FBXO41: variants seen among roughly 807,000 people sequenced by gnomAD.
FBXO41 encodes F-box protein 41.
A neutral mutation model predicts 81.6 loss-of-function variants in FBXO41; 33 were observed. The ratio of observed to expected loss-of-function variants is 0.40; its 90% CI spans 0.31 to 0.54. FBXO41 has a LOEUF of 0.54. Among genes scored for constraint, FBXO41 ranks in the 20% least tolerant of loss-of-function variants. The pLI is 0.39. For missense variants in FBXO41, 1,107 were observed against 1,236.0 expected (o/e 0.90, Z 1.56); for synonymous variants, 576 against 552.7 (o/e 1.04, Z -0.59).
In FBXO41 at chr2:73,259,686, G is replaced by C. The variant is rs1687936201; in HGVS notation, c.2450-390C>G. ...GGGGGAGGTGGGGCAAATACTTGGG[G>C]ACAGAGGGCTTCAGGGACTGGATAT... On this transcript the variant is annotated intron_variant, in intron 11 of 12. Coordinates refer to ENST00000520530, the MANE Select transcript of FBXO41 (RefSeq NM_001371389.2). The surrounding 1 kb of genome is among the most constrained non-coding windows in gnomAD (Gnocchi z 4.2). Among the ~76,000 whole-genome samples the C allele has an allele frequency of 6.6e-6, 1 of 152,144 alleles. No individual in the cohort carries two copies. Among genetic ancestry groups the C allele is most frequent in the South Asian group, 2.1e-4 (1 of 4,822 alleles).
At chr2:73,271,397 C>T (rs915077306) in intron 1 of FBXO41, 1 of 164,786 alleles carries the variant, frequency 6.1e-6, no homozygotes, top group Non-Finnish European at 1.3e-5. Context: ...CAGTGAGCCC[C>T]AGGACTGTTC....
In FBXO41 at chr2:73,276,590, GA is replaced by G. The variant is rs1466901334; in HGVS notation, c.-138-6823del. The stretch of plus-strand genomic sequence containing the variant: ...AGAGAGAGAGAGAGAGAGAGAGAGA[GA>G]GAGAGAGAGAGAGGGAGAGAGGGAG... On this transcript the variant is annotated intron_variant, in intron 1 of 12. Coordinates refer to ENST00000520530, the MANE Select transcript of FBXO41 (RefSeq NM_001371389.2). 1.8e-3 allele frequency among the ~76,000 whole-genome samples: 239 copies of G among 133,696 alleles called. 4 individuals carry two copies. In the East Asian group the frequency reaches 0.046, roughly 26 times the overall value. The allele number at this position is 133,696 out of a possible 152,430, so 87.7% of individuals were successfully genotyped here.
chr2:73,280,720 T>C (rs1208674430), intron 1 of FBXO41, among the ~76,000 whole-genome samples: 1 of 152,218 alleles, frequency 6.6e-6, no homozygotes, highest in Non-Finnish European at 1.5e-5. Context: ...AATCACTCCT[T>C]ACTGCACCTC....
intron 1 of FBXO41, among the ~76,000 whole-genome samples, chr2:73,277,358 G>A (rs1050429224): frequency 2.0e-5 from 3 of 152,202 alleles, no homozygotes; most frequent in Non-Finnish European, 2.9e-5. Context: ...GGCAGGGGGA[G>A]GTAGGACAGC....
Position 73,265,574 on chromosome 2 carries a change from C to T in FBXO41, c.1272G>A (p.Leu424=). The T allele has an allele frequency of 6.5e-7, 1 of 1,548,858 alleles. No individual in the cohort carries two copies. Reference sequence around the variant, plus strand: ...CAGGGGCCCCCTCCTCTGGCCTGGGCAGCTCCAGACTGTCACTGTCATAGC... The same window carrying T: ...CAGGGGCCCCCTCCTCTGGCCTGGGTAGCTCCAGACTGTCACTGTCATAGC... ...SGCYDSDSLE[L]PRPEEGAPED... is the part of the protein sequence containing the mutation. Residue 424 remains leucine (L), a synonymous_variant, in exon 5 of 13, where the codon CTG becomes CTA. Transcript: ENST00000520530.
At position 73,264,380 on chromosome 2, in the gene FBXO41, T is replaced by G. The variant is rs755489713; in HGVS notation, c.1704A>C (p.Thr568=). 3.1e-5 allele frequency: 50 copies of G among 1,613,766 alleles called. No homozygotes were observed. Among genetic ancestry groups the G allele is most frequent in the Middle Eastern group, 3.3e-4 (2 of 6,062 alleles). The part of the protein sequence containing the change: ...FCIFTYLDTR[T]LLHAAEVCRD... ...GGCAGACCTCGGCAGCATGCAGCAG[T>G]GTGCGCGTGTCCAGGTAGGTGAAGA... Residue 568 remains threonine (T), a synonymous_variant, in exon 6 of 13, where the codon ACA becomes ACC. Transcript: ENST00000520530.
intron 5 of FBXO41, 111 bp downstream of exon 5, chr2:73,265,171 G>A (rs1688197015): frequency 2.0e-6 from 2 of 1,022,082 alleles, no homozygotes; most frequent in Admixed American, 2.8e-5. Flanking sequence ...GGCTTGAAGG[G>A]CGCTATGTAG....
In FBXO41 at chr2:73,266,277, G is replaced by A. The variant is rs1473532073; in HGVS notation, c.1131+180C>T. On this transcript the variant is annotated intron_variant, in intron 3 of 12. Coordinates refer to ENST00000520530, the MANE Select transcript of FBXO41 (RefSeq NM_001371389.2). The surrounding 1 kb of genome is among the most constrained non-coding windows in gnomAD (Gnocchi z 5.3). ...ATCACATCTCACTACAGCCTCGGGG[G>A]CTGGCACTGGCACTCCTGCCCAATC... Among the ~76,000 whole-genome samples, 3 of 152,210 alleles carry A rather than the reference G, an allele frequency of 2.0e-5. No individual in the cohort carries two copies. The highest frequency in any genetic ancestry group is 4.4e-5 in the Non-Finnish European group (3 of 68,026).
intron 1 of FBXO41, chr2:73,270,825 C>T: frequency 1.9e-6 from 1 of 534,458 alleles, no homozygotes; most frequent in South Asian, 1.4e-5. Context: ...TTCCTCACTG[C>T]CATCCTCTTC....
chr2:73,263,948 G>C lies in FBXO41; in HGVS notation c.1912C>G (p.Arg638Gly). 1 of 1,610,448 alleles carries C rather than the reference G, an allele frequency of 6.2e-7. No homozygotes were observed. Among genetic ancestry groups the C allele is most frequent in the Non-Finnish European group, 8.5e-7 (1 of 1,178,270 alleles). The change falls in exon 7 of 13, where the codon CGG (arginine) becomes GGG (glycine). Residue 638 changes from arginine (R) to glycine (G), a missense_variant. Around this residue, in one of 2 missense-constraint regions of FBXO41, gnomAD observed 336 missense variants for 446.7 expected, o/e 0.75. Transcript: ENST00000520530. ...GKKESKEEYARSTRGCLEAGL... is the reference protein window; with the variant it reads ...GKKESKEEYAGSTRGCLEAGL... ...CATCGCAGGCCTCACCGGGTGCTCC[G>C]GGCATACTCCTCCTTGCTCTCCTTC... is the stretch of plus-strand genomic sequence containing the variant.
In FBXO41 at chr2:73,260,478, G is replaced by T. The variant is rs755638807; in HGVS notation, c.2360C>A (p.Ala787Glu). The T allele has an allele frequency of 1.9e-6, 3 of 1,605,260 alleles. No homozygotes were observed. In the South Asian group the frequency reaches 3.4e-5, roughly 18 times the overall value. Residue 787 changes from alanine to glutamate, a missense_variant, in exon 11 of 13, where the codon GCA becomes GAA. Ala to Glu is a moderately radical substitution (Grantham distance 107). Around this residue, in one of 2 missense-constraint regions of FBXO41, gnomAD observed 336 missense variants for 446.7 expected, o/e 0.75. Transcript: ENST00000520530. The surrounding 1 kb of genome is among the most constrained non-coding windows in gnomAD (Gnocchi z 5.0). ...HVSEITQEVA[A>E]EVCREGLKGL... Reference sequence around the variant, plus strand: ...CTTCAGGCCTTCCCGGCAGACCTCTGCTGCCACCTCCTGGGTGATCTCTGA... The same window carrying T: ...CTTCAGGCCTTCCCGGCAGACCTCTTCTGCCACCTCCTGGGTGATCTCTGA...
rs1339081162 is a variant in FBXO41 at position 73,264,526 on chromosome 2, A to G, written c.1565-7T>C. 6.2e-7 allele frequency: 1 copy of G among 1,613,090 alleles called. No individual in the cohort carries two copies. The highest frequency in any genetic ancestry group is 8.5e-7 in the Non-Finnish European group (1 of 1,179,796). ...CTGCCTCCCTCGGGGCGGGCTGCAG[A>G]ATACCAGGGGTTCAAAAGTGAGCGT... On this transcript the variant is annotated splice_polypyrimidine_tract_variant and splice_region_variant and intron_variant, in intron 5 of 12. Coordinates refer to ENST00000520530, the MANE Select transcript of FBXO41 (RefSeq NM_001371389.2).
chr2:73,283,825 C>T (rs899490788), intron 1 of FBXO41, among the ~76,000 whole-genome samples: 1 of 152,120 alleles, frequency 6.6e-6, no homozygotes, highest in East Asian at 1.9e-4. Context: ...TTTCAGGGCG[C>T]TTCCCCTCCC....
In FBXO41 at chr2:73,263,924, A is replaced by C; in HGVS notation, c.1922+14T>G. On this transcript the variant is annotated intron_variant, in intron 7 of 12. Transcript: ENST00000520530. ...GCCCAACAGCACCCACCACCCACCC[A>C]TCGCAGGCCTCACCGGGTGCTCCGG... 6.2e-7 allele frequency: 1 copy of C among 1,612,786 alleles called. No individual in the cohort carries two copies. Among genetic ancestry groups the C allele is most frequent in the Non-Finnish European group, 8.5e-7 (1 of 1,179,328 alleles).
intron 1 of FBXO41, among the ~76,000 whole-genome samples, chr2:73,270,279 G>T (rs982289506): frequency 1.3e-5 from 2 of 152,164 alleles, no homozygotes; most frequent in African/African-American, 4.8e-5. Context: ...ACTAGGAAGG[G>T]GCAGGAGGCA....
intron 5 of FBXO41, among the ~76,000 whole-genome samples, chr2:73,265,071 G>A (rs1420342588): frequency 6.6e-6 from 1 of 152,124 alleles, no homozygotes. Flanking sequence ...TGGCCCCCCT[G>A]CCCCCCAGAT....
rs376496261 is a variant in FBXO41 at position 73,263,206 on chromosome 2, G to T, written c.2171+7C>A. 416 of 1,552,568 alleles carry T rather than the reference G, an allele frequency of 2.7e-4. 3 individuals are homozygous for T. The African/African-American group carries it at 5.1e-3, about 19-fold the overall frequency. On this transcript the variant is annotated splice_region_variant and intron_variant, in intron 9 of 12. Transcript: ENST00000520530. ...CCCTCCTATCCCCCAAACCTGCCAGGGCTCACCAGGGGTGAAGTGGTGCCA... is the reference window on the plus strand; with the variant it reads ...CCCTCCTATCCCCCAAACCTGCCAGTGCTCACCAGGGGTGAAGTGGTGCCA...
intron 6 of FBXO41, 70 bp from the exon 7 acceptor site, chr2:73,264,123 C>A: frequency 6.4e-7 from 1 of 1,550,654 alleles, no homozygotes; most frequent in South Asian, 1.2e-5. Flanking sequence ...TGGGCCAGCC[C>A]CAGGATAGAA....
At chr2:73,272,010 G>C (rs1688519669) in intron 1 of FBXO41, among the ~76,000 whole-genome samples, 1 of 152,170 alleles carries the variant, frequency 6.6e-6, no homozygotes, top group Admixed American at 6.5e-5. Context: ...CAAGAAATTA[G>C]AATCAGAGAT....
Sources: gnomAD v4.1 joint callset for allele counts (sites outside exome capture counted in the v4.1 genomes callset) on GRCh38, gnomAD v4.1.1 for gene constraint, gnomAD v4.1.1 regional missense constraint, Gnocchi (gnomAD v3.1) non-coding constraint, MANE v1.5 for transcripts, NCBI Gene and HGNC (gene_info 2026-07-23, HGNC 2026-07-21) for gene names.